Variants in TGFBR3 observed in about 807,000 individuals in gnomAD.
TGFBR3 encodes transforming growth factor beta receptor 3, also known as transforming growth factor beta receptor type 3.
In TGFBR3, 46 loss-of-function variants were observed where a neutral mutation model predicts 87.9. The ratio of observed to expected loss-of-function variants is 0.52; its 90% confidence interval spans 0.41 to 0.67. The LOEUF (loss-of-function observed/expected upper bound fraction) is 0.67, where lower values mean the gene tolerates loss of function less well. Among genes scored for constraint, TGFBR3 ranks in the 30% least tolerant of loss-of-function variants. The probability of loss-of-function intolerance (pLI) is 0.00; values close to 1 mark genes in which losing one functional copy is unlikely to be tolerated. For missense variants in TGFBR3, 866 were observed against 1,041.9 expected (o/e 0.83, Z 2.32); for synonymous variants, 381 against 391.6 (o/e 0.97, Z 0.32).
chr1:91,730,116 C>T (rs568183950), intron 5 of TGFBR3, 143 bp from the exon 6 acceptor site: 14 of 913,198 alleles, frequency 1.5e-5, no homozygotes, highest in Middle Eastern at 3.1e-4. Context: ...CTGTGAAGTC[C>T]GCAACCACTG....
At chr1:91,859,306 T>C (rs1404747488) in intron 2 of TGFBR3, among the ~76,000 whole-genome samples, 1 of 151,084 alleles carries the variant, frequency 6.6e-6, no homozygotes, top group East Asian at 2.0e-4. Context: ...CAGGCATCAA[T>C]GAAGGCAGAA....
At chr1:91,726,967 A>T (rs1450679931) in intron 7 of TGFBR3, among the ~76,000 whole-genome samples, 1 of 152,182 alleles carries the variant, frequency 6.6e-6, no homozygotes, top group East Asian at 1.9e-4. Context: ...TTCAACATTC[A>T]ACTTTTGAGG....
At chr1:91,736,654 T>C (rs767125070) in intron 4 of TGFBR3, among the ~76,000 whole-genome samples, 1 of 152,146 alleles carries the variant, frequency 6.6e-6, no homozygotes, top group Non-Finnish European at 1.5e-5. Flanking sequence ...TAGCTACTCA[T>C]CAACACTGAA....
intron 2 of TGFBR3, among the ~76,000 whole-genome samples, chr1:91,893,292 A>ATTT (rs34162665): frequency 1.3e-5 from 2 of 149,306 alleles, no homozygotes; most frequent in Non-Finnish European, 3.0e-5. Context: ...ACTTGTAACT[A>ATTT]TTTTTTTTTT....
chr1:91,861,879 TAG>T (rs1340590642), intron 1 of TGFBR3: 1 of 301,448 alleles, frequency 3.3e-6, no homozygotes, highest in African/African-American at 2.5e-5. Context: ...TTTTTTGAGA[TAG>T]AGTCTCTCTC....
rs540303667 is a variant in TGFBR3 at position 91,813,546 on chromosome 1, A to G, written c.62-16075T>C. On this transcript the variant is annotated intron_variant, in intron 2 of 16. Transcript: ENST00000212355. ...ACATTTTTTCCACTCTAGTTTCTCA[A>G]TGGAAGTTGTATTCACCATTCCTTC... 4.5e-4 allele frequency among the ~76,000 whole-genome samples: 69 copies of G among 152,306 alleles called. No individual in the cohort carries two copies. The South Asian group carries it at 7.5e-3, about 16-fold the overall frequency.
rs1199920808 is a variant in TGFBR3 at position 91,729,930 on chromosome 1, G to A, written c.612C>T (p.Leu204=). The A allele has an allele frequency of 3.1e-6, 5 of 1,614,194 alleles. No homozygotes were observed. The highest frequency in any genetic ancestry group is 4.2e-6 in the Non-Finnish European group (5 of 1,180,032). The change falls in exon 6 of 17, where the codon CTC becomes CTT. Residue 204 remains leucine (L), a synonymous_variant. Coordinates refer to ENST00000212355, the MANE Select transcript of TGFBR3 (RefSeq NM_003243.5). ...PPKCNIGKNF[L]SLNYLAEYLQ... ...GGTACTCAGCAAGGTAATTGAGTGAGAGAAAATTCTTCCCTATGTTGCACT... is the reference window on the plus strand; with the variant it reads ...GGTACTCAGCAAGGTAATTGAGTGAAAGAAAATTCTTCCCTATGTTGCACT...
chr1:91,787,557 G>A (rs1675015377), intron 3 of TGFBR3, among the ~76,000 whole-genome samples: 1 of 152,144 alleles, frequency 6.6e-6, no homozygotes, highest in Admixed American at 6.5e-5. Context: ...TTCCACTGGA[G>A]AAGCCCAGGC....
chr1:91,841,026 G>C (rs1052659784), intron 2 of TGFBR3, among the ~76,000 whole-genome samples: 4 of 152,114 alleles, frequency 2.6e-5, no homozygotes, highest in Admixed American at 6.5e-5. Context: ...GGCCAGGCTG[G>C]TCTTGAACTC....
intron 2 of TGFBR3, among the ~76,000 whole-genome samples, chr1:91,813,687 G>A (rs1010149083): frequency 2.0e-5 from 3 of 152,160 alleles, no homozygotes; most frequent in African/African-American, 7.2e-5. Context: ...ACAGAGTCCA[G>A]GGCAGGCTGG....
chr1:91,728,678 T>C (rs1482741152), intron 6 of TGFBR3, among the ~76,000 whole-genome samples: 1 of 152,190 alleles, frequency 6.6e-6, no homozygotes, highest in Non-Finnish European at 1.5e-5. Context: ...CCCTTTTCAC[T>C]TTCTACAAAA....
chr1:91,876,756 A>G (rs755441609), intron 1 of TGFBR3, among the ~76,000 whole-genome samples: 8 of 152,202 alleles, frequency 5.3e-5, no homozygotes, highest in Non-Finnish European at 8.8e-5. Flanking sequence ...AAACAAAAAG[A>G]AGCCGAAGGA....
intron 1 of TGFBR3, among the ~76,000 whole-genome samples, chr1:91,901,637 T>C (rs1470113224): frequency 1.3e-5 from 2 of 152,022 alleles, no homozygotes; most frequent in Non-Finnish European, 2.9e-5. Context: ...GAATAAACGT[T>C]GTGGGCCAGG....
intron 3 of TGFBR3, among the ~76,000 whole-genome samples, chr1:91,769,145 C>T (rs1180761611): frequency 2.0e-5 from 3 of 152,200 alleles, no homozygotes; most frequent in African/African-American, 4.8e-5. Flanking sequence ...TCTATTCTAT[C>T]AGATGTCAAA....
chr1:91,837,391 A>G lies in TGFBR3; in HGVS notation c.61+24080T>C, dbSNP rs1164833657. On this transcript the variant is annotated intron_variant, in intron 2 of 16. Transcript: ENST00000212355. ...CTCCCAAGTAGCTGGGATTACAGGC[A>G]TGCACCATCACGCCTGGCTAATTTT... is the stretch of plus-strand genomic sequence containing the variant. Among the ~76,000 whole-genome samples the G allele has an allele frequency of 2.6e-5, 4 of 152,244 alleles. No individual in the cohort carries two copies. In the East Asian group the frequency reaches 7.7e-4, roughly 29 times the overall value.
At chr1:91,840,483 GCATGATTTTGTAA>G (rs1677232419) in intron 2 of TGFBR3, among the ~76,000 whole-genome samples, 2 of 141,334 alleles carry the variant, frequency 1.4e-5, no homozygotes, top group African/African-American at 5.2e-5. Context: ...GTAATATCAT[GCATGATTTTGTAA>G]TATCATGCAT....
chr1:91,884,315 T>A (rs1359600947), intron 1 of TGFBR3, among the ~76,000 whole-genome samples: 1 of 141,818 alleles, frequency 7.1e-6, no homozygotes. Flanking sequence ...CGAGACTCTG[T>A]CACCAAAAAA....
intron 2 of TGFBR3, among the ~76,000 whole-genome samples, chr1:91,800,718 G>A (rs1675591811): frequency 6.6e-6 from 1 of 151,712 alleles, no homozygotes; most frequent in Admixed American, 6.6e-5. Context: ...AAAAAAATCA[G>A]GAATTATCTA....
chr1:91,780,898 CACACACACACACACACACACACA>C (rs1674742978), intron 3 of TGFBR3, among the ~76,000 whole-genome samples: 1 of 148,490 alleles, frequency 6.7e-6, no homozygotes, highest in South Asian at 2.2e-4. Flanking sequence ...CACACACACA[CACACACACACACACACACACACA>C]CACACACACA....
Sources: gnomAD v4.1 joint callset for allele counts (sites outside exome capture counted in the v4.1 genomes callset) on GRCh38, gnomAD v4.1.1 for gene constraint, MANE v1.5 for transcripts, NCBI Gene and HGNC (gene_info 2026-07-23, HGNC 2026-07-21) for gene names.